The following EIF5A variants were observed in gnomAD, a reference collection of about 807,000 sequenced individuals.
The protein encoded by EIF5A is eukaryotic translation initiation factor 5A-1.
A neutral mutation model predicts 16.6 loss-of-function variants in EIF5A; 1 was observed. The ratio of observed to expected loss-of-function variants is 0.06; its 90% CI spans 0.02 to 0.28. The LOEUF (loss-of-function observed/expected upper bound fraction) is 0.28, where lower values mean the gene tolerates loss of function less well. Among genes scored for constraint, EIF5A ranks in the 10% least tolerant of loss-of-function variants. EIF5A has a pLI of 1.00. For synonymous variants in EIF5A, 80 were observed against 73.6 expected (o/e 1.09, Z -0.44); for missense variants, 29 against 196.1 (o/e 0.15, Z 5.09).
intron 2 of EIF5A, chr17:7,310,276 T>G (rs138558096): frequency 7.8e-7 from 1 of 1,288,382 alleles, no homozygotes; most frequent in African/African-American, 1.5e-5. Flanking sequence ...AGCTTTCCCT[T>G]TGGAACTCTG....
chr17:7,308,348 A>T, intron 1 of EIF5A: 1 of 1,173,262 alleles, frequency 8.5e-7, no homozygotes, highest in East Asian at 7.2e-5. Flanking sequence ...GGCCACCGGA[A>T]GCCCGGAACG....
At chr17:7,309,999 T>G in intron 2 of EIF5A, 199 bp downstream of exon 2, 2 of 1,526,738 alleles carry the variant, frequency 1.3e-6, no homozygotes, top group South Asian at 1.2e-5. Flanking sequence ...GTGGTTACCC[T>G]TCTGTCCCCG....
intron 1 of EIF5A, chr17:7,308,252 G>T: frequency 9.6e-7 from 1 of 1,045,632 alleles, no homozygotes; most frequent in Non-Finnish European, 1.2e-6. Flanking sequence ...GCCCCCCACG[G>T]GAGGCTGCCC....
Position 7,307,813 on chromosome 17 carries a change from C to T in EIF5A, c.-22+61C>T, listed in dbSNP as rs1481735535. On this transcript the variant is annotated intron_variant, in intron 1 of 5. Coordinates refer to ENST00000336458, the MANE Select transcript of EIF5A (RefSeq NM_001970.5). ...GGCTTGGGCCCGGGAGAAGATGGAA[C>T]TGCGCGGGGGTCGGGGAGGGGGCAG... 4.0e-5 allele frequency: 36 copies of T among 908,630 alleles called. No individual in the cohort carries two copies. The African/African-American group carries it at 4.6e-4, about 12-fold the overall frequency. 56.3% of individuals were successfully genotyped at this position (908,630 alleles called of 1,614,324 possible). A position where few individuals can be genotyped will look rare whatever the true frequency, so the allele number is the denominator to read the frequency against.
chr17:7,311,773 TC>T, intron 5 of EIF5A, 48 bp from the exon 6 acceptor site: 1 of 1,286,780 alleles, frequency 7.8e-7, no homozygotes, highest in South Asian at 1.3e-5. Context: ...TCCCTATCCT[TC>T]CTGTTGAAGG....
At chr17:7,311,505 C>T (rs11658072) in intron 4 of EIF5A, 24 bp downstream of exon 4, 1,048,131 of 1,613,770 alleles carry the variant, frequency 0.65, 345,484 homozygotes, top group East Asian at 0.96. Flanking sequence ...CTCCCTGCTT[C>T]TGTGCTCAGC....
Position 7,309,857 on chromosome 17 carries a change from C to T in EIF5A, c.165+57C>T, listed in dbSNP as rs570461275. 2.7e-5 allele frequency: 43 copies of T among 1,614,050 alleles called. No individual in the cohort carries two copies. In the East Asian group the frequency reaches 8.7e-4, roughly 33 times the overall value. On this transcript the variant is annotated intron_variant, in intron 2 of 5. Transcript: ENST00000336458. ...CCATGCCTCCAGTATCTTTGGCGCT[C>T]CCAGCAGCAAGCTGCCAACAGTGCT... is the stretch of plus-strand genomic sequence containing the variant.
Position 7,307,642 on chromosome 17 carries a change from G to A in EIF5A, c.-132G>A, listed in dbSNP as rs915277046. On this transcript the variant is annotated 5_prime_UTR_variant, in exon 1 of 6. In the 5' UTR this introduces an upstream ATG that the reference lacks. Transcript: ENST00000336458. ...TCGGCGCCTGCGTACTAAGACCCGT[G>A]TGCAGCAGCGGCGGCGGCGGTAGAG... 5.7e-6 allele frequency: 6 copies of A among 1,050,258 alleles called. No homozygotes were observed. Among genetic ancestry groups the A allele is most frequent in the Non-Finnish European group, 6.9e-6 (6 of 872,102 alleles). The allele number at this position is 1,050,258 out of a possible 1,614,324, so 65.1% of individuals were successfully genotyped here.
At chr17:7,311,694 G>A (rs749826636) in intron 5 of EIF5A, 43 bp downstream of exon 5, 231 of 1,611,394 alleles carry the variant, frequency 1.4e-4, no homozygotes, top group Non-Finnish European at 1.9e-4. Flanking sequence ...ACATTTTGTT[G>A]TCCTCAGCAG....
chr17:7,309,374 C>T (rs1481627091), intron 1 of EIF5A, among the ~76,000 whole-genome samples: 5 of 152,180 alleles, frequency 3.3e-5, no homozygotes, highest in Non-Finnish European at 1.5e-5. Flanking sequence ...CCTTCCTTTC[C>T]CAAGCCACCA....
intron 5 of EIF5A, 80 bp from the exon 6 acceptor site, chr17:7,311,742 G>C (rs545003994): frequency 4.6e-6 from 7 of 1,521,214 alleles, no homozygotes; most frequent in African/African-American, 2.7e-5. Context: ...CTTACTTTCT[G>C]CCCCTAGCCT....
intron 4 of EIF5A, 36 bp downstream of exon 4, chr17:7,311,517 T>C: frequency 6.2e-7 from 1 of 1,614,100 alleles, no homozygotes; most frequent in Non-Finnish European, 8.5e-7. Flanking sequence ...GTGCTCAGCT[T>C]TGTTCTGTAC....
At chr17:7,309,485 G>A in intron 1 of EIF5A, 130 bp from the exon 2 acceptor site, 7 of 1,262,046 alleles carry the variant, frequency 5.5e-6, no homozygotes, top group Admixed American at 2.1e-5. Context: ...TTAAGTTCAG[G>A]AACTTTGACT....
At chr17:7,310,460 T>C in intron 2 of EIF5A, 1 of 1,176,094 alleles carries the variant, frequency 8.5e-7, no homozygotes, top group South Asian at 1.7e-5. Context: ...TTGTGGTGTT[T>C]TTCCTTAATC....
Position 7,310,479 on chromosome 17 carries a change from C to T in EIF5A, c.166-539C>T, listed in dbSNP as rs745591324. ...GGTGTTTTTCCTTAATCAGTTTTTC[C>T]ATCTTTTGACTTGACATTGATCTTG... On this transcript the variant is annotated intron_variant, in intron 2 of 5. Coordinates refer to ENST00000336458, the MANE Select transcript of EIF5A (RefSeq NM_001970.5). 2.3e-4 allele frequency: 269 copies of T among 1,172,192 alleles called. 1 individual carries two copies. The highest frequency in any genetic ancestry group is 2.8e-4 in the Non-Finnish European group (263 of 937,880). 72.6% of individuals were successfully genotyped at this position (1,172,192 alleles called of 1,614,324 possible). A position where few individuals can be genotyped will look rare whatever the true frequency, so the allele number is the denominator to read the frequency against.
In EIF5A at chr17:7,311,457, G is replaced by A. The variant is rs778898421; in HGVS notation, c.378G>A (p.Lys126=). 4.2e-5 allele frequency: 67 copies of A among 1,614,014 alleles called. No homozygotes were observed. The highest frequency in any genetic ancestry group is 5.6e-5 in the Non-Finnish European group (66 of 1,180,034). The stretch of plus-strand genomic sequence containing the variant: ...ACCTTGGCAAGGAGATTGAGCAGAA[G>A]TACGACTGTGGAGAAGAGATCCTGG... ...EGDLGKEIEQ[K]YDCGEEILIT... The change falls in exon 4 of 6, where the codon AAG becomes AAA. Residue 126 remains lysine (K), a synonymous_variant. Coordinates refer to ENST00000336458, the MANE Select transcript of EIF5A (RefSeq NM_001970.5).
At chr17:7,310,027 CCCT>C in intron 2 of EIF5A, 3 of 1,507,486 alleles carry the variant, frequency 2.0e-6, no homozygotes, top group Non-Finnish European at 2.7e-6. Context: ...CTCTGGCAGT[CCCT>C]CCGTTTCTCC....
intron 1 of EIF5A, among the ~76,000 whole-genome samples, chr17:7,309,283 C>G (rs2072743086): frequency 1.3e-5 from 2 of 150,640 alleles, no homozygotes; most frequent in South Asian, 4.3e-4. Context: ...GTTTCAGTGG[C>G]AAGTAACACC....
rs1597617641 is a variant in EIF5A at position 7,309,467 on chromosome 17, T to C, written c.-21-148T>C. On this transcript the variant is annotated intron_variant, in intron 1 of 5. Coordinates refer to ENST00000336458, the MANE Select transcript of EIF5A (RefSeq NM_001970.5). ...AGTTCTTGAGTATATTTGAGCCCAG[T>C]CAGTATTTTAAGTTCAGGAACTTTG... is the stretch of plus-strand genomic sequence containing the variant. 5 of 1,027,078 alleles carry C rather than the reference T, an allele frequency of 4.9e-6. No individual in the cohort carries two copies. The East Asian group carries it at 1.2e-4, about 25-fold the overall frequency. 63.6% of individuals were successfully genotyped at this position (1,027,078 alleles called of 1,614,324 possible).
Sources: gnomAD v4.1 joint callset for allele counts (sites outside exome capture counted in the v4.1 genomes callset) on GRCh38, gnomAD v4.1.1 for gene constraint, MANE v1.5 for transcripts, NCBI Gene and HGNC (gene_info 2026-07-23, HGNC 2026-07-21) for gene names.